The following WNT5B variants were observed in gnomAD, a reference collection of about 807,000 sequenced individuals.
WNT5B encodes protein Wnt-5b.
Under a neutral mutation model 36.5 loss-of-function variants are expected in WNT5B, and 18 were observed. That is an observed-to-expected ratio of 0.49 (90% CI 0.34 to 0.73). The LOEUF (loss-of-function observed/expected upper bound fraction) is 0.73. WNT5B is among the 30% of genes least tolerant of loss of function. The pLI is 0.01. For synonymous variants in WNT5B, 213 were observed against 212.3 expected (o/e 1.00, Z -0.03); for missense variants, 424 against 508.4 (o/e 0.83, Z 1.60).
Position 1,639,816 on chromosome 12 carries a change from G to A in WNT5B, c.461G>A (p.Arg154Gln), listed in dbSNP as rs1272352191. Residue 154 changes from arginine (R) to glutamine (Q), a missense_variant, in exon 4 of 5, where the codon CGG becomes CAG. Physicochemically the swap from Arg to Gln is conservative, Grantham distance 43. Coordinates refer to ENST00000397196, the MANE Select transcript of WNT5B (RefSeq NM_032642.3). Reference sequence around the variant, plus strand: ...ACGGCGCGGCCCAAGGACCTGCCCCGGGACTGGCTGTGGGGCGGCTGTGGG... The same window carrying A: ...ACGGCGCGGCCCAAGGACCTGCCCCAGGACTGGCTGTGGGGCGGCTGTGGG... ...SRTARPKDLP[R>Q]DWLWGGCGDN... 1.9e-6 allele frequency: 3 copies of A among 1,613,678 alleles called. No homozygotes were observed. The Admixed American group carries it at 5.0e-5, about 27-fold the overall frequency.
intron 1 of WNT5B, among the ~76,000 whole-genome samples, chr12:1,622,153 C>T (rs2094534685): frequency 6.8e-6 from 1 of 146,700 alleles, no homozygotes. Flanking sequence ...CTCTGTCGCC[C>T]AGGCTGGAGT....
intron 1 of WNT5B, among the ~76,000 whole-genome samples, chr12:1,620,498 G>T (rs998243260): frequency 1.3e-5 from 2 of 151,422 alleles, no homozygotes; most frequent in South Asian, 4.2e-4. Flanking sequence ...GGATATTGTT[G>T]CTTCTGGTCT....
upstream of WNT5B, among the ~76,000 whole-genome samples, chr12:1,625,616 G>A (rs530875488): frequency 6.6e-6 from 1 of 152,304 alleles, no homozygotes. Context: ...GGTTTACCCT[G>A]TTATGCCAGG....
chr12:1,635,841 T>C (rs909622776), intron 3 of WNT5B, among the ~76,000 whole-genome samples: 4 of 152,336 alleles, frequency 2.6e-5, no homozygotes, highest in African/African-American at 9.6e-5. Flanking sequence ...CCTGCCATCA[T>C]TTCGGTTTTT....
intron 1 of WNT5B, among the ~76,000 whole-genome samples, chr12:1,621,325 G>T (rs963292466): frequency 6.6e-6 from 1 of 152,130 alleles, no homozygotes; most frequent in African/African-American, 2.4e-5. Flanking sequence ...ATATGAAGGT[G>T]TGTAATCAAT....
intron 4 of WNT5B, chr12:1,645,031 C>G (rs2094582672): frequency 6.6e-6 from 1 of 152,174 alleles, no homozygotes; most frequent in Admixed American, 6.5e-5. Context: ...GGCAAGACTC[C>G]TGATGACTCT....
In WNT5B at chr12:1,631,349, C is replaced by T. The variant is rs374460599; in HGVS notation, c.-6C>T. Reference sequence around the variant, plus strand: ...CCCAGGGCACTGGGGAGGGCTGAGGCCGACCATGCCCAGCCTGCTGCTGCT... The same window carrying T: ...CCCAGGGCACTGGGGAGGGCTGAGGTCGACCATGCCCAGCCTGCTGCTGCT... On this transcript the variant is annotated 5_prime_UTR_variant, in exon 2 of 5. Transcript: ENST00000397196. 3.1e-6 allele frequency: 5 copies of T among 1,613,954 alleles called. No individual in the cohort carries two copies. Among genetic ancestry groups the T allele is most frequent in the Non-Finnish European group, 4.2e-6 (5 of 1,179,976 alleles).
chr12:1,625,223 AT>A (rs1025332598), upstream of WNT5B, among the ~76,000 whole-genome samples: 3 of 152,192 alleles, frequency 2.0e-5, no homozygotes, highest in African/African-American at 7.2e-5. Flanking sequence ...GAATATTATG[AT>A]GTAAAATTAG....
chr12:1,625,198 C>T (rs1044701809), upstream of WNT5B, among the ~76,000 whole-genome samples: 3 of 151,984 alleles, frequency 2.0e-5, no homozygotes, highest in Non-Finnish European at 2.9e-5. Flanking sequence ...AACCACTATA[C>T]GTTTTCAAAT....
At chr12:1,642,370 TTAG>T (rs2094577104) in intron 4 of WNT5B, among the ~76,000 whole-genome samples, 2 of 152,142 alleles carry the variant, frequency 1.3e-5, no homozygotes, top group Non-Finnish European at 2.9e-5. Context: ...GTCCCCATTG[TTAG>T]TAGTTTTTCT....
upstream of WNT5B, among the ~76,000 whole-genome samples, chr12:1,627,698 C>A (rs920159621): frequency 2.6e-5 from 4 of 152,086 alleles, no homozygotes; most frequent in Non-Finnish European, 4.4e-5. This position sits in a 1 kb window ranked among gnomAD's most constrained non-coding sequence, Gnocchi z 5.0. Context: ...TCAGCAGGGA[C>A]CTTGGATGTG....
upstream of WNT5B, among the ~76,000 whole-genome samples, chr12:1,628,046 A>G (rs79977482): frequency 0.011 from 1,661 of 152,278 alleles, 28 homozygotes; most frequent in African/African-American, 0.038. Flanking sequence ...AACAGAGCAG[A>G]TGTCTGACCA....
At position 1,618,633 on chromosome 12, in the gene WNT5B, C is replaced by G. The variant is rs888961947; in HGVS notation, c.-58+1490C>G. On this transcript the variant is annotated intron_variant, in intron 1 of 4. Transcript: ENST00000310594. The surrounding 1 kb of genome is among the most constrained non-coding windows in gnomAD (Gnocchi z 4.1). ...ATTTTAAAACTATTTTATTAGTATT[C>G]AGGAGAAGGGAACTTCCTCTTTCTT... Among the ~76,000 whole-genome samples, 6 of 152,154 alleles carry G rather than the reference C, an allele frequency of 3.9e-5. No homozygotes were observed. The highest frequency in any genetic ancestry group is 3.9e-4 in the Admixed American group (6 of 15,276).
intron 3 of WNT5B, among the ~76,000 whole-genome samples, chr12:1,639,330 A>G (rs936142512): frequency 7.9e-5 from 12 of 151,958 alleles, no homozygotes; most frequent in Non-Finnish European, 1.0e-4. Flanking sequence ...GTTGAGACGA[A>G]GGTTTCACCG....
At chr12:1,634,071 G>A (rs2094556062) in intron 3 of WNT5B, among the ~76,000 whole-genome samples, 1 of 152,166 alleles carries the variant, frequency 6.6e-6, no homozygotes, top group Non-Finnish European at 1.5e-5. Context: ...TCTAAAGAGA[G>A]AGAGGGAATT....
chr12:1,625,199 G>A (rs28384798), upstream of WNT5B, among the ~76,000 whole-genome samples: 1,618 of 152,176 alleles, frequency 0.011, 25 homozygotes, highest in South Asian at 0.059. Context: ...ACCACTATAC[G>A]TTTTCAAATA....
chr12:1,639,844 C>T lies in WNT5B; in HGVS notation c.489C>T (p.Asp163=). 6.2e-7 allele frequency: 1 copy of T among 1,613,960 alleles called. No individual in the cohort carries two copies. Among genetic ancestry groups the T allele is most frequent in the Non-Finnish European group, 8.5e-7 (1 of 1,179,916 alleles). ...ACTGGCTGTGGGGCGGCTGTGGGGA[C>T]AACGTGGAGTACGGCTACCGCTTCG... ...PRDWLWGGCG[D]NVEYGYRFAK... is the part of the protein sequence containing the mutation. The change falls in exon 4 of 5, where the codon GAC becomes GAT. Residue 163 remains aspartate (D), a synonymous_variant. Transcript: ENST00000397196.
In WNT5B at chr12:1,630,257, G is replaced by T; in HGVS notation, c.-58+886G>T. On this transcript the variant is annotated intron_variant, in intron 1 of 4. Transcript: ENST00000397196. The surrounding 1 kb of genome is among the most constrained non-coding windows in gnomAD (Gnocchi z 5.3). ...GGGCCCCGGGGAGGCCGCTGGGGGC[G>T]CGGGTCACGCCCAGACGGGGGCCCC... 1 of 984,526 alleles carries T rather than the reference G, an allele frequency of 1.0e-6. No individual in the cohort carries two copies. The allele number at this position is 984,526 out of a possible 1,614,324, so 61.0% of individuals were successfully genotyped here.
rs146187156 is a variant in WNT5B, at chr12:1,641,423, A to G, written c.621+1447A>G. 7.6e-3 allele frequency among the ~76,000 whole-genome samples: 1,153 copies of G among 151,624 alleles called. 21 individuals are homozygous for G. The highest frequency in any genetic ancestry group is 0.027 in the African/African-American group (1,096 of 41,274). On this transcript the variant is annotated intron_variant, in intron 4 of 4. Coordinates refer to ENST00000397196, the MANE Select transcript of WNT5B (RefSeq NM_032642.3). ...AAAATGAGAATGGCAATTTCTTAGAAGTTTAACGGTGGCACCCTGGTGATT... is the reference window on the plus strand; with the variant it reads ...AAAATGAGAATGGCAATTTCTTAGAGGTTTAACGGTGGCACCCTGGTGATT...
Sources: gnomAD v4.1 joint callset for allele counts (sites outside exome capture counted in the v4.1 genomes callset) on GRCh38, gnomAD v4.1.1 for gene constraint, Gnocchi (gnomAD v3.1) non-coding constraint, MANE v1.5 for transcripts, NCBI Gene and HGNC (gene_info 2026-07-23, HGNC 2026-07-21) for gene names.